The following APPBP2 variants were observed in gnomAD, a reference collection of about 807,000 sequenced individuals.
APPBP2 encodes amyloid protein-binding protein 2.
APPBP2 carries 15 observed loss-of-function variants against 76.0 expected under a neutral mutation model. The observed-to-expected ratio is 0.20, with a 90% CI of 0.13 to 0.30. The LOEUF is 0.30. Ranked by LOEUF, APPBP2 falls within the 10% of genes least tolerant of loss-of-function variation. The probability of loss-of-function intolerance (pLI) is 1.00; values close to 1 mark genes in which losing one functional copy is unlikely to be tolerated. For synonymous variants in APPBP2, 222 were observed against 242.2 expected, an observed-to-expected ratio of 0.92 and a Z score of 0.77; for missense variants, 401 against 687.2, an observed-to-expected ratio of 0.58 and a Z score of 4.66.
In APPBP2 at chr17:60,451,763, G is replaced by A. The variant is rs536507905; in HGVS notation, c.1504+117C>T. On this transcript the variant is annotated intron_variant, in intron 12 of 12. Coordinates refer to ENST00000083182, the MANE Select transcript of APPBP2 (RefSeq NM_006380.5). ...CAAAGTGCTGGGATTACAGGTATGAGCCACCGCACCCAGCCCCATTTAAGT... is the reference window on the plus strand; with the variant it reads ...CAAAGTGCTGGGATTACAGGTATGAACCACCGCACCCAGCCCCATTTAAGT... 4.1e-5 allele frequency: 37 copies of A among 894,750 alleles called. No individual in the cohort carries two copies. In the African/African-American group the frequency reaches 5.8e-4, roughly 14 times the overall value. The allele number at this position is 894,750 out of a possible 1,614,324, so 55.4% of individuals were successfully genotyped here.
At chr17:60,487,970 T>C (rs2090694302) in intron 3 of APPBP2, among the ~76,000 whole-genome samples, 1 of 152,220 alleles carries the variant, frequency 6.6e-6, no homozygotes, top group Admixed American at 6.5e-5. Flanking sequence ...CTGCAGTCTG[T>C]TGGGAGTTTG....
chr17:60,519,333 A>G (rs907046720), intron 1 of APPBP2, among the ~76,000 whole-genome samples: 19 of 152,120 alleles, frequency 1.2e-4, no homozygotes, highest in Admixed American at 1.2e-3. Context: ...TAGGCTAGGC[A>G]CAGTGACTCA....
At chr17:60,457,010 C>T (rs1276442712) in intron 9 of APPBP2, among the ~76,000 whole-genome samples, 7 of 151,642 alleles carry the variant, frequency 4.6e-5, no homozygotes, top group Admixed American at 3.3e-4. Flanking sequence ...TGGTGGTGAA[C>T]GCCTGTAATC....
At chr17:60,506,912 T>G (rs2090872644) in intron 1 of APPBP2, among the ~76,000 whole-genome samples, 1 of 152,138 alleles carries the variant, frequency 6.6e-6, no homozygotes, top group African/African-American at 2.4e-5. Flanking sequence ...GGCGGGTGCC[T>G]GTAGTCCCAG....
chr17:60,493,642 TTC>T (rs1555634239), intron 3 of APPBP2, among the ~76,000 whole-genome samples: 3 of 147,010 alleles, frequency 2.0e-5, no homozygotes, highest in Admixed American at 6.6e-5. Context: ...CCTTTTTTTT[TTC>T]TTTTTTTTTT....
rs771313719 is a variant in APPBP2 at position 60,464,084 on chromosome 17, C to T, written c.699G>A (p.Met233Ile). 7 of 1,612,138 alleles carry T rather than the reference C, an allele frequency of 4.3e-6. No individual in the cohort carries two copies. Among genetic ancestry groups the T allele is most frequent in the Non-Finnish European group, 5.9e-6 (7 of 1,179,274 alleles). ...DEAYKWCIEA[M>I]KEITAGLPVK... is the part of the protein sequence containing the mutation. ...CTGGTAAGCCTGCTGTAATTTCTTT[C>T]ATTGCCTCGATGCACCATTTGTATG... Residue 233 changes from methionine (M) to isoleucine (I), a missense_variant, in exon 6 of 13, where the codon ATG becomes ATA. Coordinates refer to ENST00000083182, the MANE Select transcript of APPBP2 (RefSeq NM_006380.5).
At chr17:60,484,219 T>C (rs2090654741) in intron 3 of APPBP2, among the ~76,000 whole-genome samples, 1 of 152,182 alleles carries the variant, frequency 6.6e-6, no homozygotes, top group South Asian at 2.1e-4. Flanking sequence ...GGGCTCTTTT[T>C]TGGTTCCATA....
chr17:60,497,375 A>G (rs4624246), intron 2 of APPBP2, among the ~76,000 whole-genome samples: 12,517 of 152,254 alleles, frequency 0.082, 1,708 homozygotes, highest in African/African-American at 0.28. Flanking sequence ...AGGGGGGCAA[A>G]TGAAGATGGT....
chr17:60,523,867 G>A (rs76855168), intron 1 of APPBP2, among the ~76,000 whole-genome samples: 1,785 of 152,184 alleles, frequency 0.012, 31 homozygotes, highest in African/African-American at 0.039. Flanking sequence ...CTAAATATCA[G>A]GTTTGAGACC....
chr17:60,510,806 TA>T (rs1202808416), intron 1 of APPBP2, among the ~76,000 whole-genome samples: 2 of 152,228 alleles, frequency 1.3e-5, no homozygotes, highest in Admixed American at 6.5e-5. Context: ...ACCTTACATT[TA>T]ATGTCCTTTA....
rs538811043 is a variant in APPBP2 at position 60,487,271 on chromosome 17, A to G, written c.379+7195T>C. On this transcript the variant is annotated intron_variant, in intron 3 of 12. Coordinates refer to ENST00000083182, the MANE Select transcript of APPBP2 (RefSeq NM_006380.5). ...TGCTAGGTTGGGGAAGTTCTCCTGG[A>G]TAATATCCTGAAGTGTCTTCCAGCT... Among the ~76,000 whole-genome samples the G allele has an allele frequency of 2.0e-5, 3 of 152,192 alleles. No individual in the cohort carries two copies. In the South Asian group the frequency reaches 6.2e-4, roughly 32 times the overall value.
chr17:60,508,703 C>T (rs1294507095), intron 1 of APPBP2, among the ~76,000 whole-genome samples: 2 of 152,156 alleles, frequency 1.3e-5, no homozygotes, highest in Non-Finnish European at 2.9e-5. Flanking sequence ...ACTGAAACCT[C>T]CAGTCCAGGA....
chr17:60,523,189 T>C (rs1358059754), intron 1 of APPBP2, among the ~76,000 whole-genome samples: 1 of 152,062 alleles, frequency 6.6e-6, no homozygotes, highest in East Asian at 1.9e-4. Context: ...GTGCAGAAAA[T>C]TGGAAATTGG....
At chr17:60,493,697 T>C (rs2090750459) in intron 3 of APPBP2, among the ~76,000 whole-genome samples, 2 of 148,832 alleles carry the variant, frequency 1.3e-5, no homozygotes, top group African/African-American at 5.1e-5. Context: ...TGGAGTGCAG[T>C]GGCACAATCT....
chr17:60,506,129 T>C (rs912754984), intron 1 of APPBP2, among the ~76,000 whole-genome samples: 3 of 152,038 alleles, frequency 2.0e-5, no homozygotes, highest in African/African-American at 7.2e-5. Context: ...TAGCTGGTAC[T>C]ACAGGCATGC....
intron 9 of APPBP2, among the ~76,000 whole-genome samples, chr17:60,458,444 A>C (rs1426554106): frequency 6.6e-6 from 1 of 151,516 alleles, no homozygotes; most frequent in Admixed American, 6.6e-5. Flanking sequence ...TCAAAAAAAA[A>C]ACAAAACAAA....
In APPBP2 at chr17:60,447,840, A is replaced by C. The variant is rs762842401; in HGVS notation, c.1505-6T>G. 11 of 1,557,250 alleles carry C rather than the reference A, an allele frequency of 7.1e-6. No homozygotes were observed. Among genetic ancestry groups the C allele is most frequent in the African/African-American group, 1.4e-5 (1 of 71,892 alleles). ...CTCACCAAAAAGTTTCTTCCCTGTAACAAAAAAGAAAAAGGAAAAAAAAAA... is the reference window on the plus strand; with the variant it reads ...CTCACCAAAAAGTTTCTTCCCTGTACCAAAAAAGAAAAAGGAAAAAAAAAA... On this transcript the variant is annotated splice_polypyrimidine_tract_variant and splice_region_variant and intron_variant, in intron 12 of 12. Transcript: ENST00000083182.
intron 5 of APPBP2, among the ~76,000 whole-genome samples, chr17:60,465,357 C>T (rs1370737402): frequency 1.3e-5 from 2 of 152,174 alleles, no homozygotes; most frequent in Non-Finnish European, 2.9e-5. Context: ...CTCTGCATAA[C>T]CTAGCCTATC....
chr17:60,495,439 A>ATTTATTATTTATTTATTTAT (rs910525112), intron 2 of APPBP2, among the ~76,000 whole-genome samples: 1 of 136,588 alleles, frequency 7.3e-6, no homozygotes, highest in African/African-American at 3.0e-5. Context: ...TTATTTATTT[A>ATTTATTATTTATTTATTTAT]TTATTTATTT....
Sources: gnomAD v4.1 joint callset for allele counts (sites outside exome capture counted in the v4.1 genomes callset) on GRCh38, gnomAD v4.1.1 for gene constraint, MANE v1.5 for transcripts, NCBI Gene and HGNC (gene_info 2026-07-23, HGNC 2026-07-21) for gene names.